The following CDH2 variants were observed in gnomAD, a reference collection of about 807,000 sequenced individuals.
The protein encoded by CDH2 is cadherin-2.
CDH2 carries 17 observed loss-of-function variants against 92.0 expected under a neutral mutation model. That is an observed-to-expected ratio of 0.18 (90% confidence interval 0.13 to 0.28). The LOEUF is 0.28. Among genes scored for constraint, CDH2 ranks in the 10% least tolerant of loss-of-function variants. The pLI, the probability that CDH2 is intolerant of heterozygous loss-of-function variation, is 1.00. For missense variants in CDH2, 862 were observed against 1,133.1 expected (o/e 0.76, Z 3.44); for synonymous variants, 419 against 415.9 (o/e 1.01, Z -0.09).
intron 2 of CDH2, among the ~76,000 whole-genome samples, chr18:28,059,939 C>A (rs1185616337): frequency 6.6e-6 from 1 of 152,104 alleles, no homozygotes; most frequent in African/African-American, 2.4e-5. Context: ...CCCCTGCGAT[C>A]TAGATTTTGC....
At chr18:28,028,506 T>C (rs952038387) in intron 2 of CDH2, among the ~76,000 whole-genome samples, 2 of 152,120 alleles carry the variant, frequency 1.3e-5, no homozygotes, top group Admixed American at 6.6e-5. Flanking sequence ...GATTTCATCC[T>C]AAATACTTAA....
chr18:27,989,854 A>G (rs758155243), intron 10 of CDH2, among the ~76,000 whole-genome samples: 2 of 152,234 alleles, frequency 1.3e-5, no homozygotes, highest in Non-Finnish European at 2.9e-5. Flanking sequence ...TGGCAGATAC[A>G]GAGAAACAAG....
At chr18:28,093,263 C>T (rs17536111) in intron 2 of CDH2, among the ~76,000 whole-genome samples, 1,942 of 151,994 alleles carry the variant, frequency 0.013, 41 homozygotes, top group African/African-American at 0.043. Context: ...AAAATATCCC[C>T]CAATAAGTAT....
intron 1 of CDH2, among the ~76,000 whole-genome samples, chr18:28,169,317 AC>A (rs2016430599): frequency 6.6e-6 from 1 of 152,160 alleles, no homozygotes; most frequent in Non-Finnish European, 1.5e-5. Context: ...AATCCTTACA[AC>A]CTTTAACGAA....
At chr18:28,151,204 C>A (rs1469996315) in intron 1 of CDH2, among the ~76,000 whole-genome samples, 3 of 152,212 alleles carry the variant, frequency 2.0e-5, no homozygotes, top group Non-Finnish European at 4.4e-5. Flanking sequence ...TCTGGTCTAA[C>A]CCATAGCTAA....
At chr18:28,027,067 C>T (rs1330217185) in intron 2 of CDH2, among the ~76,000 whole-genome samples, 3 of 152,084 alleles carry the variant, frequency 2.0e-5, no homozygotes, top group African/African-American at 7.2e-5. Context: ...ATCAAGCCCA[C>T]AGGATGAGTG....
intron 2 of CDH2, among the ~76,000 whole-genome samples, chr18:28,135,017 C>T (rs993490781): frequency 2.0e-5 from 3 of 152,064 alleles, no homozygotes; most frequent in African/African-American, 4.8e-5. Flanking sequence ...GACAGAAGTG[C>T]GAACACAATA....
intron 2 of CDH2, among the ~76,000 whole-genome samples, chr18:28,095,973 C>G (rs2015128414): frequency 6.6e-6 from 1 of 152,060 alleles, no homozygotes; most frequent in Non-Finnish European, 1.5e-5. Context: ...TGCATCCTAA[C>G]ATCAGAAAAC....
At chr18:28,047,365 T>G (rs2014097114) in intron 2 of CDH2, among the ~76,000 whole-genome samples, 1 of 152,160 alleles carries the variant, frequency 6.6e-6, no homozygotes, top group South Asian at 2.1e-4. Flanking sequence ...AGGACAGAGG[T>G]TATGTTTCGC....
In CDH2 at chr18:27,985,184, G is replaced by A. The variant is rs768534163; in HGVS notation, c.2025C>T (p.Ile675=). 1.9e-6 allele frequency: 3 copies of A among 1,612,412 alleles called. No homozygotes were observed. Among genetic ancestry groups the A allele is most frequent in the African/African-American group, 2.7e-5 (2 of 74,886 alleles). The change falls in exon 13 of 16, where the codon ATC becomes ATT. Residue 675 remains isoleucine, a synonymous_variant. Coordinates refer to ENST00000269141, the MANE Select transcript of CDH2 (RefSeq NM_001792.5). ...NLKIKFLEAG[I]YEVPIIITDS... The stretch of plus-strand genomic sequence containing the variant: ...CTGTGATTATGATGGGAACTTCATA[G>A]ATACCAGCTTCAAGAAATTTTATCT...
chr18:28,068,479 T>C (rs1265640917), intron 2 of CDH2, among the ~76,000 whole-genome samples: 1 of 152,184 alleles, frequency 6.6e-6, no homozygotes, highest in Non-Finnish European at 1.5e-5. Context: ...CATTCTGAGA[T>C]GGAATACATG....
intron 2 of CDH2, among the ~76,000 whole-genome samples, chr18:28,030,506 A>G (rs1306070017): frequency 6.6e-6 from 1 of 152,048 alleles, no homozygotes; most frequent in African/African-American, 2.4e-5. Flanking sequence ...AACAAACAAC[A>G]ACAACAAAAG....
Position 28,013,971 on chromosome 18 carries a change from C to G in CDH2, c.173-62G>C, listed in dbSNP as rs59634418. 2.4e-5 allele frequency: 28 copies of G among 1,162,332 alleles called. No individual in the cohort carries two copies. In the African/African-American group the frequency reaches 3.4e-4, roughly 14 times the overall value. The allele number at this position is 1,162,332 out of a possible 1,614,324, so 72.0% of individuals were successfully genotyped here. ...ATACCAAAAAGGCAAAAAAAAACCC[C>G]TAATACTTAAACCTATATCCTGCTT... On this transcript the variant is annotated intron_variant, in intron 2 of 15. Coordinates refer to ENST00000269141, the MANE Select transcript of CDH2 (RefSeq NM_001792.5).
intron 2 of CDH2, among the ~76,000 whole-genome samples, chr18:28,134,611 TGA>T (rs1568011802): frequency 6.6e-6 from 1 of 152,012 alleles, no homozygotes; most frequent in Non-Finnish European, 1.5e-5. Flanking sequence ...CTTGGGAGGC[TGA>T]GATGAGAGAA....
Position 28,133,581 on chromosome 18 carries a change from C to CAAA in CDH2, c.172+14089_172+14091dup, listed in dbSNP as rs765999292. ...TAGGTGACAGAGCGAGACTCTGTCT[C>CAAA]AAAAAAAAAAAAAAAAAAAAAAAGA... On this transcript the variant is annotated intron_variant, in intron 2 of 15. Transcript: ENST00000269141. Among the ~76,000 whole-genome samples, 176 of 47,096 alleles carry CAAA rather than the reference C, an allele frequency of 3.7e-3. 4 individuals are homozygous for CAAA. The highest frequency in any genetic ancestry group is 0.02 in the South Asian group (23 of 1,162). The allele number at this position is 47,096 out of a possible 152,430, so 30.9% of individuals were successfully genotyped here.
At chr18:28,071,215 AT>A (rs2014611502) in intron 2 of CDH2, among the ~76,000 whole-genome samples, 3 of 152,044 alleles carry the variant, frequency 2.0e-5, no homozygotes, top group South Asian at 4.2e-4. Context: ...TTTTCTGCCA[AT>A]TTTTGCTCCC....
At chr18:27,967,167 G>GAT (rs1374971477) in intron 14 of CDH2, among the ~76,000 whole-genome samples, 1 of 152,164 alleles carries the variant, frequency 6.6e-6, no homozygotes, top group African/African-American at 2.4e-5. Context: ...ACATGGCTTA[G>GAT]AGTGTCTCTG....
chr18:28,043,593 G>A (rs1284178251), intron 2 of CDH2, among the ~76,000 whole-genome samples: 2 of 147,564 alleles, frequency 1.4e-5, no homozygotes, highest in Non-Finnish European at 3.0e-5. Context: ...AGTGGCTGAT[G>A]GCACTGAGTT....
intron 1 of CDH2, among the ~76,000 whole-genome samples, chr18:28,166,752 C>T (rs906414709): frequency 6.6e-6 from 1 of 152,104 alleles, no homozygotes; most frequent in Non-Finnish European, 1.5e-5. Context: ...AGCTTTGAAG[C>T]CAACAAATCC....
Sources: gnomAD v4.1 joint callset for allele counts (sites outside exome capture counted in the v4.1 genomes callset) on GRCh38, gnomAD v4.1.1 for gene constraint, MANE v1.5 for transcripts, NCBI Gene and HGNC (gene_info 2026-07-23, HGNC 2026-07-21) for gene names.